The following TFDP2 variants were observed in gnomAD, a reference collection of about 807,000 sequenced individuals.
The protein encoded by TFDP2 is transcription factor Dp-2 (E2F dimerization partner 2).
In TFDP2, 17 loss-of-function variants were observed where a neutral mutation model predicts 59.3. That is an observed-to-expected ratio of 0.29 (90% confidence interval 0.20 to 0.43). The LOEUF is 0.43. Ranked by LOEUF, TFDP2 falls within the 20% of genes least tolerant of loss-of-function variation. TFDP2 has a pLI of 1.00. For missense variants in TFDP2, 391 were observed against 528.8 expected (o/e 0.74, Z 2.56); for synonymous variants, 180 against 194.7 (o/e 0.92, Z 0.63).
chr3:142,039,847 A>G (rs1009886480), intron 3 of TFDP2, among the ~76,000 whole-genome samples: 1 of 152,178 alleles, frequency 6.6e-6, no homozygotes, highest in Admixed American at 6.6e-5. Flanking sequence ...ACAGTGGAAC[A>G]GAAACACTGA....
chr3:142,067,975 T>C (rs779393985), intron 3 of TFDP2, among the ~76,000 whole-genome samples: 1 of 146,978 alleles, frequency 6.8e-6, no homozygotes, highest in Non-Finnish European at 1.5e-5. Flanking sequence ...CTGCACTCCA[T>C]CTTGAGTGAC....
intron 8 of TFDP2, among the ~76,000 whole-genome samples, chr3:141,973,683 CTTTTTTTTTT>C (rs200088518): frequency 6.6e-4 from 87 of 132,592 alleles, no homozygotes; most frequent in African/African-American, 2.3e-3. Context: ...CGGCTTGATC[CTTTTTTTTTT>C]TTTTTTTTGG....
At chr3:142,037,424 A>G (rs1012652173) in intron 3 of TFDP2, among the ~76,000 whole-genome samples, 27 of 152,196 alleles carry the variant, frequency 1.8e-4, no homozygotes, top group African/African-American at 4.8e-4. Flanking sequence ...CTCTTTTATT[A>G]TAGATAAGGT....
At chr3:142,023,619 A>G (rs1945842766) in intron 3 of TFDP2, among the ~76,000 whole-genome samples, 1 of 152,186 alleles carries the variant, frequency 6.6e-6, no homozygotes. Context: ...TTGTTTTATA[A>G]TACCATGCAC....
chr3:142,145,711 CTAAA>C (rs142832325), intron 1 of TFDP2, among the ~76,000 whole-genome samples: 50 of 148,158 alleles, frequency 3.4e-4, no homozygotes, highest in African/African-American at 6.2e-4. Flanking sequence ...GACTCTGTCT[CTAAA>C]TAAATAAATA....
intron 1 of TFDP2, among the ~76,000 whole-genome samples, chr3:142,125,949 T>A (rs954619816): frequency 6.6e-6 from 1 of 152,160 alleles, no homozygotes; most frequent in Non-Finnish European, 1.5e-5. Context: ...GTTTTCTTAA[T>A]GCAAGCAGAA....
chr3:141,956,786 A>G (rs1936723406), intron 11 of TFDP2, among the ~76,000 whole-genome samples: 1 of 151,136 alleles, frequency 6.6e-6, no homozygotes, highest in South Asian at 2.1e-4. Context: ...TTAACCGGGC[A>G]TGGTGGCACA....
chr3:142,087,205 A>T (rs1384671077), intron 3 of TFDP2, among the ~76,000 whole-genome samples: 2 of 152,228 alleles, frequency 1.3e-5, no homozygotes, highest in Non-Finnish European at 2.9e-5. Flanking sequence ...GTCATGTGTC[A>T]ACTGGCAATG....
At chr3:142,066,116 T>G (rs112267189) in intron 3 of TFDP2, among the ~76,000 whole-genome samples, 1 of 152,212 alleles carries the variant, frequency 6.6e-6, no homozygotes, top group South Asian at 2.1e-4. Context: ...TCACCAGAAA[T>G]GCATTATTAT....
intron 1 of TFDP2, among the ~76,000 whole-genome samples, chr3:142,137,255 T>C (rs2062770124): frequency 6.6e-6 from 1 of 152,218 alleles, no homozygotes; most frequent in South Asian, 2.1e-4. Context: ...TTGCTGAAGT[T>C]GCTTATCAGC....
chr3:141,954,021 G>GTTGTGGTGCAT (rs1263539202), intron 11 of TFDP2, among the ~76,000 whole-genome samples: 16 of 151,946 alleles, frequency 1.1e-4, no homozygotes, highest in African/African-American at 3.1e-4. Context: ...TTAGCTGGGC[G>GTTGTGGTGCAT]TTGTGGTGCA....
chr3:142,039,415 CT>C (rs1483643194), intron 3 of TFDP2, among the ~76,000 whole-genome samples: 1 of 152,110 alleles, frequency 6.6e-6, no homozygotes, highest in African/African-American at 2.4e-5. Flanking sequence ...GAGACAGGGT[CT>C]TGCTCTGTCA....
chr3:141,984,439 G>A (rs1941847552), intron 6 of TFDP2, among the ~76,000 whole-genome samples: 1 of 152,138 alleles, frequency 6.6e-6, no homozygotes. Flanking sequence ...AGAGGTTTTA[G>A]TGAGCCGAGA....
chr3:141,986,771 T>C (rs1942147306), intron 6 of TFDP2, among the ~76,000 whole-genome samples: 1 of 152,218 alleles, frequency 6.6e-6, no homozygotes, highest in Non-Finnish European at 1.5e-5. Context: ...CAGCAGTGTA[T>C]GAGCATTCTA....
At chr3:142,016,291 C>CACCTG in intron 3 of TFDP2, among the ~76,000 whole-genome samples, 1 of 125,754 alleles carries the variant, frequency 8.0e-6, no homozygotes, top group East Asian at 2.3e-4. Flanking sequence ...TGAACCACCA[C>CACCTG]GCCCAGCAAC....
chr3:141,965,553 AAGGGGG>A (rs1174990047), intron 9 of TFDP2, among the ~76,000 whole-genome samples: 30 of 124,852 alleles, frequency 2.4e-4, no homozygotes, highest in African/African-American at 7.7e-4. Context: ...GGGGAAGGGG[AAGGGGG>A]AGGGGAAGGG....
chr3:141,970,166 A>G, intron 8 of TFDP2, 25 bp from the exon 9 acceptor site: 1 of 1,603,068 alleles, frequency 6.2e-7, no homozygotes, highest in South Asian at 1.1e-5. Flanking sequence ...TTACAAAATA[A>G]TATGAACATA....
intron 3 of TFDP2, among the ~76,000 whole-genome samples, chr3:142,014,331 G>T (rs988711133): frequency 6.6e-6 from 1 of 151,576 alleles, no homozygotes; most frequent in Non-Finnish European, 1.5e-5. Context: ...TTTATTTTTT[G>T]TAGGGAGGGG....
intron 2 of TFDP2, among the ~76,000 whole-genome samples, chr3:142,096,657 C>T (rs1039634809): frequency 1.8e-4 from 27 of 152,082 alleles, no homozygotes; most frequent in African/African-American, 6.3e-4. Context: ...TTACTGAATT[C>T]AAAGTATTTA....
Sources: gnomAD v4.1 joint callset for allele counts (sites outside exome capture counted in the v4.1 genomes callset) on GRCh38, gnomAD v4.1.1 for gene constraint, MANE v1.5 for transcripts, NCBI Gene and HGNC (gene_info 2026-07-23, HGNC 2026-07-21) for gene names.